The following PAX5 variants were observed in gnomAD, a reference collection of about 807,000 sequenced individuals.
PAX5 encodes paired box protein Pax-5.
Under a neutral mutation model 43.7 loss-of-function variants are expected in PAX5, and 9 were observed. That is an observed-to-expected ratio of 0.21 (90% CI 0.12 to 0.36). The LOEUF is 0.36. PAX5 is among the 10% of genes least tolerant of loss of function. The pLI is 1.00. For missense variants in PAX5, 383 were observed against 532.7 expected (o/e 0.72, Z 2.77); for synonymous variants, 228 against 214.3 (o/e 1.06, Z -0.56).
At chr9:36,943,202 T>C (rs972891899) in intron 6 of PAX5, among the ~76,000 whole-genome samples, 5 of 152,116 alleles carry the variant, frequency 3.3e-5, no homozygotes, top group Admixed American at 6.5e-5. Context: ...TCCATCAGGT[T>C]TGCCTCCCCA....
At chr9:36,892,900 C>T (rs1042892806) in intron 7 of PAX5, among the ~76,000 whole-genome samples, 3 of 152,086 alleles carry the variant, frequency 2.0e-5, no homozygotes, top group Non-Finnish European at 2.9e-5. Flanking sequence ...TCCATCTGTG[C>T]TAGTAAAAAG....
intron 7 of PAX5, among the ~76,000 whole-genome samples, chr9:36,905,627 G>A (rs1828753355): frequency 1.3e-5 from 2 of 152,186 alleles, no homozygotes; most frequent in African/African-American, 2.4e-5. Flanking sequence ...AAAAAGACGG[G>A]CCTGGATAAA....
chr9:37,027,198 C>A (rs915009787), intron 1 of PAX5, among the ~76,000 whole-genome samples: 2 of 152,226 alleles, frequency 1.3e-5, no homozygotes, highest in Admixed American at 1.3e-4. Flanking sequence ...ACTTCCTCTC[C>A]GGCAGCGCGG....
At chr9:36,858,242 T>C (rs563493806) in intron 8 of PAX5, among the ~76,000 whole-genome samples, 59 of 152,260 alleles carry the variant, frequency 3.9e-4, no homozygotes, top group Non-Finnish European at 7.8e-4. Context: ...TTTGTGTGTC[T>C]ATTGCAAAAA....
At position 36,841,670 on chromosome 9, in the gene PAX5, G is replaced by A. The variant is rs143775481; in HGVS notation, c.1100-1034C>T. Among the ~76,000 whole-genome samples the A allele has an allele frequency of 3.7e-3, 561 of 152,324 alleles. 5 individuals carry two copies. Among genetic ancestry groups the A allele is most frequent in the African/African-American group, 0.012 (519 of 41,564 alleles). ...ATGTGGCACCTGCTTAGCTGGATTG[G>A]ACATGTAAATGAACCAACTTTGCTG... On this transcript the variant is annotated intron_variant, in intron 9 of 9. Transcript: ENST00000358127.
At chr9:36,991,817 C>G (rs911998728) in intron 5 of PAX5, among the ~76,000 whole-genome samples, 1 of 149,682 alleles carries the variant, frequency 6.7e-6, no homozygotes, top group Admixed American at 6.7e-5. Flanking sequence ...CTCCACTGTT[C>G]AGTCCCTCAA....
Position 36,918,636 on chromosome 9 carries a change from G to A in PAX5, c.910+4719C>T, listed in dbSNP as rs550077654. Among the ~76,000 whole-genome samples the A allele has an allele frequency of 3.9e-5, 6 of 152,252 alleles. No homozygotes were observed. In the South Asian group the frequency reaches 8.3e-4, roughly 21 times the overall value. On this transcript the variant is annotated intron_variant, in intron 7 of 9. Transcript: ENST00000358127. Reference sequence around the variant, plus strand: ...TGATTGCACCACTGCACTCCAGCCTGGGTGACACAGTGAGACCCTGCCTCA... The same window carrying A: ...TGATTGCACCACTGCACTCCAGCCTAGGTGACACAGTGAGACCCTGCCTCA...
chr9:36,860,105 G>C (rs1278191532), intron 8 of PAX5, among the ~76,000 whole-genome samples: 2 of 151,822 alleles, frequency 1.3e-5, no homozygotes, highest in African/African-American at 4.8e-5. Context: ...CTGGGAGGCT[G>C]AGGCGGGTAG....
At chr9:36,893,014 T>C (rs886681112) in intron 7 of PAX5, among the ~76,000 whole-genome samples, 3 of 152,168 alleles carry the variant, frequency 2.0e-5, no homozygotes, top group Non-Finnish European at 4.4e-5. Context: ...AGGGCTTAGG[T>C]TGGGAGTGGG....
At chr9:36,885,659 C>A (rs558464308) in intron 7 of PAX5, among the ~76,000 whole-genome samples, 57 of 152,264 alleles carry the variant, frequency 3.7e-4, no homozygotes, top group African/African-American at 1.3e-3. Context: ...CCCTCTCCAC[C>A]CCTGCCCTGT....
At chr9:36,857,937 C>T (rs1036330571) in intron 8 of PAX5, among the ~76,000 whole-genome samples, 14 of 152,344 alleles carry the variant, frequency 9.2e-5, no homozygotes, top group Admixed American at 7.2e-4. Context: ...ATTTTCTGCA[C>T]AGGCATTGAG....
chr9:36,923,210 C>T, intron 7 of PAX5, 145 bp downstream of exon 7: 2 of 944,388 alleles, frequency 2.1e-6, no homozygotes, highest in Non-Finnish European at 3.2e-6. Context: ...GGCCCCAGCA[C>T]CTGACCTGTT....
At chr9:36,943,555 C>G (rs183838244) in intron 6 of PAX5, among the ~76,000 whole-genome samples, 2 of 151,954 alleles carry the variant, frequency 1.3e-5, no homozygotes, top group African/African-American at 4.8e-5. Flanking sequence ...CACACACACA[C>G]ACACACACAC....
chr9:36,932,938 C>T (rs1254633574), intron 6 of PAX5, among the ~76,000 whole-genome samples: 3 of 151,796 alleles, frequency 2.0e-5, no homozygotes, highest in South Asian at 4.2e-4. Context: ...GGTGGAGTAC[C>T]TGAGGTCAGG....
At chr9:36,930,524 G>T (rs187168369) in intron 6 of PAX5, among the ~76,000 whole-genome samples, 78 of 152,268 alleles carry the variant, frequency 5.1e-4, no homozygotes, top group Non-Finnish European at 9.6e-4. Context: ...ACTGCGCCTG[G>T]CCCTTAGTTC....
intron 6 of PAX5, among the ~76,000 whole-genome samples, chr9:36,928,273 C>T (rs1311356117): frequency 6.6e-6 from 1 of 152,224 alleles, no homozygotes; most frequent in Non-Finnish European, 1.5e-5. Context: ...CCATTCCAGA[C>T]ACTGTCCTAC....
intron 8 of PAX5, among the ~76,000 whole-genome samples, chr9:36,867,989 C>A (rs1204675322): frequency 6.6e-5 from 10 of 152,174 alleles, no homozygotes; most frequent in African/African-American, 2.4e-4. Flanking sequence ...GCGTTCCCGG[C>A]CCCGGGAGGA....
chr9:36,943,048 T>G (rs574500551), intron 6 of PAX5, among the ~76,000 whole-genome samples: 76 of 152,316 alleles, frequency 5.0e-4, no homozygotes, highest in African/African-American at 1.7e-3. Context: ...GTCCTTGTGC[T>G]TACCCTCCTC....
At chr9:36,923,190 C>G in intron 7 of PAX5, 165 bp downstream of exon 7, 1 of 732,878 alleles carries the variant, frequency 1.4e-6, no homozygotes, top group Non-Finnish European at 2.2e-6. Context: ...CTCATCACAG[C>G]TGCAACCCTG....
Sources: gnomAD v4.1 joint callset for allele counts (sites outside exome capture counted in the v4.1 genomes callset) on GRCh38, gnomAD v4.1.1 for gene constraint, MANE v1.5 for transcripts, NCBI Gene and HGNC (gene_info 2026-07-23, HGNC 2026-07-21) for gene names.